Variants in EEF1G observed in about 807,000 individuals in gnomAD.
EEF1G encodes the protein eukaryotic translation elongation factor 1 gamma.
EEF1G carries 14 observed loss-of-function variants against 58.3 expected under a neutral mutation model. That is an observed-to-expected ratio of 0.24 (90% CI 0.16 to 0.38). The LOEUF (loss-of-function observed/expected upper bound fraction) is 0.38, where lower values mean the gene tolerates loss of function less well. Among genes scored for constraint, EEF1G ranks in the 10% least tolerant of loss-of-function variants. The pLI, the probability that EEF1G is intolerant of heterozygous loss-of-function variation, is 1.00. For missense variants in EEF1G, 322 were observed against 550.1 expected (o/e 0.59, Z 4.15); for synonymous variants, 180 against 206.8 (o/e 0.87, Z 1.11).
intron 1 of EEF1G, chr11:62,573,471 C>T (rs1054884830): frequency 4.5e-5 from 16 of 355,182 alleles, no homozygotes; most frequent in Non-Finnish European, 7.3e-5. Flanking sequence ...CTACAAAGAC[C>T]CTCCTCTTCA....
chr11:62,563,774 A>C (rs948632102), intron 7 of EEF1G, among the ~76,000 whole-genome samples: 4 of 152,180 alleles, frequency 2.6e-5, no homozygotes, highest in African/African-American at 9.7e-5. Context: ...GATGAGACCA[A>C]GTAGAATGAC....
intron 7 of EEF1G, among the ~76,000 whole-genome samples, chr11:62,565,343 G>A (rs1357780932): frequency 1.3e-5 from 2 of 151,608 alleles, no homozygotes; most frequent in African/African-American, 2.4e-5. Context: ...CCGTGATCAC[G>A]CTACTGCACT....
chr11:62,565,095 A>G (rs952976187), intron 7 of EEF1G, among the ~76,000 whole-genome samples: 2 of 151,780 alleles, frequency 1.3e-5, no homozygotes, highest in African/African-American at 4.8e-5. Flanking sequence ...CCAAAAAAAA[A>G]CAAAAAACAC....
intron 4 of EEF1G, 103 bp from the exon 5 acceptor site, chr11:62,571,211 G>A: frequency 6.5e-7 from 1 of 1,540,414 alleles, no homozygotes; most frequent in South Asian, 1.1e-5. Context: ...AGAAGTCTGA[G>A]CTCACCCTCA....
rs1390127712 is a variant in EEF1G, at chr11:62,566,811, G to A, written c.852C>T (p.Pro284=). The A allele has an allele frequency of 2.5e-6, 4 of 1,613,506 alleles. No homozygotes were observed. The highest frequency in any genetic ancestry group is 3.4e-6 in the Non-Finnish European group (4 of 1,179,648). The change falls in exon 7 of 10, where the codon CCC becomes CCT. Residue 284 remains proline, a synonymous_variant. Coordinates refer to ENST00000329251, the MANE Select transcript of EEF1G (RefSeq NM_001404.5). ...PKAKDPFAHL[P]KSTFVLDEFK... ...CCACCCTCCAATATCCTTACCTCTT[G>A]GGCAGGTGAGCGAAGGGGTCCTTGG...
At chr11:62,564,826 G>A (rs1941537368) in intron 7 of EEF1G, among the ~76,000 whole-genome samples, 1 of 146,788 alleles carries the variant, frequency 6.8e-6, no homozygotes, top group Non-Finnish European at 1.5e-5. Flanking sequence ...CCACCACTTT[G>A]AGAGGCCAAG....
chr11:62,560,419 G>A lies in EEF1G; in HGVS notation c.893C>T (p.Ser298Phe). ...TGCCACAGAGAGTGTGTCCTCATTG[G>A]AGTACTTGCGCTTAAATTCATCCAA... ...FVLDEFKRKY[S>F]NEDTLSVALP... is the part of the protein sequence containing the mutation. The change falls in exon 8 of 10, where the codon TCC becomes TTC. Residue 298 changes from serine to phenylalanine, a missense_variant. Physicochemically the swap from Ser to Phe is radical, Grantham distance 155. Around this residue, in one of 3 missense-constraint regions of EEF1G, gnomAD observed 208 missense variants for 323.7 expected, o/e 0.64. Transcript: ENST00000329251. The A allele has an allele frequency of 6.2e-7, 1 of 1,610,166 alleles. No individual in the cohort carries two copies. Among genetic ancestry groups the A allele is most frequent in the Non-Finnish European group, 8.5e-7 (1 of 1,178,106 alleles).
chr11:62,571,100 C>T lies in EEF1G; in HGVS notation c.387G>A (p.Glu129=). 1.2e-6 allele frequency: 2 copies of T among 1,613,966 alleles called. No individual in the cohort carries two copies. The highest frequency in any genetic ancestry group is 1.7e-6 in the Non-Finnish European group (2 of 1,179,890). Residue 129 remains glutamate, a synonymous_variant, in exon 5 of 10, where the codon GAG becomes GAA. Transcript: ENST00000329251. ...GIMHHNKQAT[E]NAKEEVRRIL... ...TTCGCCTCACTTCCTCCTTTGCATTCTCAGTGGCCTAGTGATTCAACATGA... is the reference window on the plus strand; with the variant it reads ...TTCGCCTCACTTCCTCCTTTGCATTTTCAGTGGCCTAGTGATTCAACATGA...
At chr11:62,567,336 G>A (rs1941569319) in intron 6 of EEF1G, 63 bp downstream of exon 6, 2 of 1,533,464 alleles carry the variant, frequency 1.3e-6, no homozygotes, top group Non-Finnish European at 1.8e-6. Flanking sequence ...AAATCAAGGG[G>A]TTGATGCAGA....
intron 9 of EEF1G, 76 bp downstream of exon 9, chr11:62,559,993 A>G: frequency 1.9e-6 from 3 of 1,608,338 alleles, no homozygotes; most frequent in East Asian, 2.2e-5. Flanking sequence ...AACATCCATC[A>G]ACTCAGAAAT....
chr11:62,570,909 A>G, intron 5 of EEF1G, 56 bp downstream of exon 5: 1 of 1,609,468 alleles, frequency 6.2e-7, no homozygotes, highest in Non-Finnish European at 8.5e-7. Context: ...ATACCTCGTC[A>G]CTTTGTTTCT....
intron 2 of EEF1G, among the ~76,000 whole-genome samples, 171 bp from the exon 3 acceptor site, chr11:62,572,072 G>C (rs1296349848): frequency 1.3e-5 from 2 of 152,030 alleles, no homozygotes; most frequent in African/African-American, 4.8e-5. Context: ...GGCCTCCTTT[G>C]CAATCTGAAT....
intron 7 of EEF1G, among the ~76,000 whole-genome samples, chr11:62,560,936 C>T (rs900256776): frequency 6.6e-6 from 1 of 152,182 alleles, no homozygotes; most frequent in African/African-American, 2.4e-5. Context: ...TCCTTTAGTC[C>T]ATCTCTGCCT....
At chr11:62,565,657 C>CA (rs1274443187) in intron 7 of EEF1G, among the ~76,000 whole-genome samples, 4 of 152,066 alleles carry the variant, frequency 2.6e-5, no homozygotes, top group Non-Finnish European at 5.9e-5. Context: ...TTACACACAC[C>CA]AAAAATCCTG....
At chr11:62,567,697 CATT>C (rs1322069897) in intron 5 of EEF1G, among the ~76,000 whole-genome samples, 169 bp from the exon 6 acceptor site, 2 of 149,970 alleles carry the variant, frequency 1.3e-5, no homozygotes, top group Admixed American at 1.4e-4. Flanking sequence ...CCCATTTCTT[CATT>C]TTTTTCAATT....
intron 1 of EEF1G, 23 bp from the exon 2 acceptor site, chr11:62,572,765 AAATT>A (rs778655193): frequency 6.3e-7 from 1 of 1,597,970 alleles, no homozygotes; most frequent in Admixed American, 1.7e-5. Flanking sequence ...GAGAGGGACA[AAATT>A]AATGAGTAGA....
In EEF1G at chr11:62,563,133, TTA is replaced by T. The variant is rs142841913; in HGVS notation, c.858-2681_858-2680del. On this transcript the variant is annotated intron_variant, in intron 7 of 9. Coordinates refer to ENST00000329251, the MANE Select transcript of EEF1G (RefSeq NM_001404.5). Reference sequence around the variant, plus strand: ...AAAAAACAAAACAATCCTTTTTTTTTTATTTTTCCTTGAGACGGAGTCTAGCT... The same window carrying T: ...AAAAAACAAAACAATCCTTTTTTTTTTTTTTCCTTGAGACGGAGTCTAGCT... Among the ~76,000 whole-genome samples the T allele has an allele frequency of 7.2e-3, 1,096 of 151,850 alleles. 13 individuals carry two copies. Among genetic ancestry groups the T allele is most frequent in the African/African-American group, 0.025 (1,028 of 41,388 alleles).
At chr11:62,572,198 G>C (rs988665916) in intron 2 of EEF1G, among the ~76,000 whole-genome samples, 1 of 152,090 alleles carries the variant, frequency 6.6e-6, no homozygotes, top group Non-Finnish European at 1.5e-5. Flanking sequence ...GTCTGTATCA[G>C]TTAAAGTATT....
chr11:62,562,385 G>A (rs1308410619), intron 7 of EEF1G, among the ~76,000 whole-genome samples: 1 of 152,148 alleles, frequency 6.6e-6, no homozygotes, highest in Non-Finnish European at 1.5e-5. Context: ...TACAACATGT[G>A]TGTGTATATA....
Sources: gnomAD v4.1 joint callset for allele counts (sites outside exome capture counted in the v4.1 genomes callset) on GRCh38, gnomAD v4.1.1 for gene constraint, gnomAD v4.1.1 regional missense constraint, MANE v1.5 for transcripts, NCBI Gene and HGNC (gene_info 2026-07-23, HGNC 2026-07-21) for gene names.